GXYLT2: variants seen among roughly 807,000 people sequenced by gnomAD.
GXYLT2 encodes the protein glycosyltransferase 8 domain containing 4.
Under a neutral mutation model 45.8 loss-of-function variants are expected in GXYLT2, and 53 were observed. That is an observed-to-expected ratio of 1.16 (90% CI 0.93 to 1.46). The LOEUF (loss-of-function observed/expected upper bound fraction) is 1.46. Among genes scored for constraint, GXYLT2 ranks in the 40% most tolerant of loss-of-function variants. The pLI, the probability that GXYLT2 is intolerant of heterozygous loss-of-function variation, is 0.00. For missense variants in GXYLT2, 551 were observed against 544.4 expected, an observed-to-expected ratio of 1.01 and a Z score of -0.12; for synonymous variants, 219 against 214.2, an observed-to-expected ratio of 1.02 and a Z score of -0.19.
intron 3 of GXYLT2, among the ~76,000 whole-genome samples, chr3:72,937,579 C>A (rs1710215289): frequency 6.6e-6 from 1 of 152,152 alleles, no homozygotes. Flanking sequence ...AAACTAAATC[C>A]TTTTCCTGGG....
chr3:72,947,570 T>A (rs1174337697), intron 3 of GXYLT2, among the ~76,000 whole-genome samples: 1 of 151,988 alleles, frequency 6.6e-6, no homozygotes, highest in Non-Finnish European at 1.5e-5. Flanking sequence ...GAGGTGGAGA[T>A]GGGTGGATCA....
intron 1 of GXYLT2, among the ~76,000 whole-genome samples, chr3:72,900,415 ATTTT>A (rs1202433399): frequency 6.6e-6 from 1 of 151,722 alleles, no homozygotes; most frequent in Non-Finnish European, 1.5e-5. Context: ...TGGCATCACA[ATTTT>A]ATTTTTTTTT....
chr3:72,931,308 A>G (rs1052515129), intron 3 of GXYLT2, among the ~76,000 whole-genome samples: 4 of 151,790 alleles, frequency 2.6e-5, no homozygotes, highest in African/African-American at 9.7e-5. Flanking sequence ...GCTCACTGCA[A>G]GCTCCGCCTC....
intron 2 of GXYLT2, among the ~76,000 whole-genome samples, chr3:72,912,467 A>T (rs1026702804): frequency 6.6e-6 from 1 of 152,132 alleles, no homozygotes; most frequent in Non-Finnish European, 1.5e-5. Context: ...ATTGTACGTT[A>T]CTAAGTTTTG....
chr3:72,914,305 T>G (rs1709688265), intron 2 of GXYLT2, among the ~76,000 whole-genome samples: 2 of 152,102 alleles, frequency 1.3e-5, no homozygotes, highest in South Asian at 4.2e-4. Context: ...ATTTTCGTCA[T>G]CTCCCAACAG....
chr3:72,940,126 C>T (rs1204661444), intron 3 of GXYLT2, among the ~76,000 whole-genome samples: 1 of 152,084 alleles, frequency 6.6e-6, no homozygotes, highest in Non-Finnish European at 1.5e-5. Flanking sequence ...TCACTGTACT[C>T]CAGCCTGGGT....
At chr3:72,966,647 T>C (rs1293259477) in intron 5 of GXYLT2, among the ~76,000 whole-genome samples, 2 of 151,228 alleles carry the variant, frequency 1.3e-5, no homozygotes, top group African/African-American at 4.9e-5. Context: ...TTTTTTTTGT[T>C]TTGAGACAGT....
At chr3:72,906,064 A>T (rs116056400) in intron 1 of GXYLT2, among the ~76,000 whole-genome samples, 1 of 152,264 alleles carries the variant, frequency 6.6e-6, no homozygotes, top group Non-Finnish European at 1.5e-5. Context: ...AATTTTTCGT[A>T]GTGTATTTCA....
chr3:72,904,895 A>T (rs13070514), intron 1 of GXYLT2, among the ~76,000 whole-genome samples: 103,531 of 138,932 alleles, frequency 0.75, 40,378 homozygotes, highest in South Asian at 0.86. Context: ...AAAAAAAAAA[A>T]AAATTAACCA....
chr3:72,904,339 A>T (rs905177845), intron 1 of GXYLT2, among the ~76,000 whole-genome samples: 7 of 152,370 alleles, frequency 4.6e-5, no homozygotes, highest in African/African-American at 1.7e-4. Context: ...CAGTGCCCTT[A>T]AACTTTATTA....
At chr3:72,958,477 T>C (rs1166876777) in intron 5 of GXYLT2, among the ~76,000 whole-genome samples, 3 of 151,956 alleles carry the variant, frequency 2.0e-5, no homozygotes, top group Non-Finnish European at 2.9e-5. Context: ...TAAAAAAAAT[T>C]CTGGAATAAA....
chr3:72,914,991 A>G (rs1187633555), intron 2 of GXYLT2, among the ~76,000 whole-genome samples: 1 of 152,106 alleles, frequency 6.6e-6, no homozygotes, highest in Non-Finnish European at 1.5e-5. Flanking sequence ...CGTCTCTACT[A>G]AAAATACAAA....
intron 5 of GXYLT2, among the ~76,000 whole-genome samples, chr3:72,963,166 TAAAAAA>T (rs969327000): frequency 3.0e-4 from 46 of 150,982 alleles, no homozygotes; most frequent in Admixed American, 4.6e-4. Context: ...TAAAAATACA[TAAAAAA>T]TAAAAATAAA....
chr3:72,922,491 C>G, intron 3 of GXYLT2, among the ~76,000 whole-genome samples, 156 bp downstream of exon 3: 1 of 152,164 alleles, frequency 6.6e-6, no homozygotes, highest in East Asian at 1.9e-4. Flanking sequence ...TAGAGAGGAT[C>G]CCTGTGTTCT....
chr3:72,927,818 TTTCCACA>T (rs1709946764), intron 3 of GXYLT2, among the ~76,000 whole-genome samples: 1 of 152,240 alleles, frequency 6.6e-6, no homozygotes, highest in Admixed American at 6.5e-5. Flanking sequence ...TTGAACAAGC[TTTCCACA>T]GTACTTATCA....
At chr3:72,918,258 T>G (rs1401001525) in intron 2 of GXYLT2, among the ~76,000 whole-genome samples, 1 of 152,240 alleles carries the variant, frequency 6.6e-6, no homozygotes. Flanking sequence ...GCTTGTGTAC[T>G]CTTTGTGGCA....
chr3:72,919,837 T>G (rs1275579309), intron 2 of GXYLT2, among the ~76,000 whole-genome samples: 1 of 152,202 alleles, frequency 6.6e-6, no homozygotes, highest in African/African-American at 2.4e-5. Context: ...GTAGTGACAC[T>G]GTTCTGTATA....
At position 72,929,529 on chromosome 3, in the gene GXYLT2, C is replaced by T. The variant is rs1036279476; in HGVS notation, c.600+7194C>T. On this transcript the variant is annotated intron_variant, in intron 3 of 6. Coordinates refer to ENST00000389617, the MANE Select transcript of GXYLT2 (RefSeq NM_001080393.2). ...GACCAACTTGTGCAAGATGGGAGCA[C>T]CCGAATCTGGCTCGGCAGAATATCT... 4 of 1,237,252 alleles carry T rather than the reference C, an allele frequency of 3.2e-6. No homozygotes were observed. The African/African-American group carries it at 5.9e-5, about 18-fold the overall frequency. 76.6% of individuals were successfully genotyped at this position (1,237,252 alleles called of 1,614,324 possible).
At chr3:72,923,504 T>C (rs2107103147) in intron 3 of GXYLT2, among the ~76,000 whole-genome samples, 1 of 152,272 alleles carries the variant, frequency 6.6e-6, no homozygotes, top group African/African-American at 2.4e-5. Flanking sequence ...GAGAATAATA[T>C]TGCACAGGGA....
Sources: allele counts gnomAD v4.1 joint callset (sites outside exome capture counted in the v4.1 genomes callset), GRCh38; gene constraint gnomAD v4.1.1; transcripts MANE v1.5; gene names NCBI Gene and HGNC (gene_info 2026-07-23, HGNC 2026-07-21).